NBAS: variants seen among roughly 807,000 people sequenced by gnomAD.
NBAS encodes the protein NBAS subunit of NRZ tethering complex, also known as NAG/BC035112 fusion.
Under a neutral mutation model 302.5 loss-of-function variants are expected in NBAS, and 219 were observed. The observed-to-expected ratio is 0.72, with a 90% CI of 0.65 to 0.81. The LOEUF is 0.81. NBAS is among the 30% of genes least tolerant of loss of function. The pLI, the probability that NBAS is intolerant of heterozygous loss-of-function variation, is 0.00. For missense variants in NBAS, 2,932 were observed against 2,841.6 expected, an observed-to-expected ratio of 1.03 and a Z score of -0.72; for synonymous variants, 1,118 against 1,021.6, an observed-to-expected ratio of 1.09 and a Z score of -1.80.
At chr2:15,077,515 A>C in the NBAS span, among the ~76,000 whole-genome samples, 2 of 152,176 alleles carry the variant, frequency 1.3e-5, no homozygotes, top group Non-Finnish European at 2.9e-5. Flanking sequence ...TTTCCATCGA[A>C]GAGATTATTG....
chr2:15,138,405 A>C, the NBAS span, among the ~76,000 whole-genome samples: 1 of 152,188 alleles, frequency 6.6e-6, no homozygotes, highest in South Asian at 2.1e-4. Context: ...GAAGCATTTT[A>C]AGCAGAGAGG....
chr2:15,166,420 T>C (rs1664021683), downstream of NBAS, among the ~76,000 whole-genome samples: 1 of 152,210 alleles, frequency 6.6e-6, no homozygotes, highest in African/African-American at 2.4e-5. Context: ...GGCTATGCCC[T>C]GAAGGTCATA....
chr2:14,835,780 CAA>C, the NBAS span, among the ~76,000 whole-genome samples: 2 of 151,878 alleles, frequency 1.3e-5, no homozygotes, highest in Non-Finnish European at 2.9e-5. Context: ...AAAGCTGTTA[CAA>C]AATCACATTT....
chr2:15,054,300 C>T, the NBAS span, among the ~76,000 whole-genome samples: 2 of 152,180 alleles, frequency 1.3e-5, no homozygotes, highest in African/African-American at 2.4e-5. Context: ...AAAGTCAATG[C>T]TGAGGCCACA....
intron 41 of NBAS, among the ~76,000 whole-genome samples, chr2:15,289,702 G>A (rs1193410279): frequency 6.6e-6 from 1 of 152,126 alleles, no homozygotes; most frequent in Non-Finnish European, 1.5e-5. Flanking sequence ...CTAATGCCAT[G>A]AAAATGGACA....
At chr2:15,429,609 C>T (rs1006615515) in intron 21 of NBAS, among the ~76,000 whole-genome samples, 1 of 152,116 alleles carries the variant, frequency 6.6e-6, no homozygotes, top group African/African-American at 2.4e-5. Flanking sequence ...AACAGCATCA[C>T]CCTTGCAGTT....
intron 13 of NBAS, among the ~76,000 whole-genome samples, chr2:15,476,828 T>C (rs961053377): frequency 6.6e-6 from 1 of 152,204 alleles, no homozygotes; most frequent in East Asian, 1.9e-4. Context: ...TCACCTGTTA[T>C]ACAAAACATA....
At chr2:15,509,337 G>A (rs1242590865) in intron 10 of NBAS, among the ~76,000 whole-genome samples, 3 of 152,104 alleles carry the variant, frequency 2.0e-5, no homozygotes, top group East Asian at 1.9e-4. Context: ...TACACCAACT[G>A]TTCTCCTTAC....
chr2:15,234,676 A>G lies in NBAS; in HGVS notation c.6015T>C (p.Ala2005=), dbSNP rs1667516078. The G allele has an allele frequency of 6.2e-7, 1 of 1,614,216 alleles. No individual in the cohort carries two copies. Among genetic ancestry groups the G allele is most frequent in the Non-Finnish European group, 8.5e-7 (1 of 1,180,018 alleles). ...RSEKEKLHDE[A]VAICLDGQPL... is the part of the protein sequence containing the mutation. ...GCTGACCATCTAAACAAATAGCCAC[A>G]GCTTCATCATGAAGTTTCTCTTTTT... The change falls in exon 46 of 52, where the codon GCT becomes GCC. Residue 2005 remains alanine, a synonymous_variant. Coordinates refer to ENST00000281513, the MANE Select transcript of NBAS (RefSeq NM_015909.4).
chr2:15,535,625 G>A (rs1663467119), intron 8 of NBAS, among the ~76,000 whole-genome samples: 2 of 151,894 alleles, frequency 1.3e-5, no homozygotes, highest in South Asian at 2.1e-4. Context: ...ATATCCTCCT[G>A]TATACTTTGA....
intron 11 of NBAS, among the ~76,000 whole-genome samples, chr2:15,500,913 G>A (rs1329800405): frequency 1.3e-5 from 2 of 149,572 alleles, no homozygotes; most frequent in Non-Finnish European, 3.0e-5. Context: ...GACAGAGTGA[G>A]ACTGTCTCAA....
At chr2:15,461,070 A>C in intron 21 of NBAS, 131 bp downstream of exon 21, 3 of 891,462 alleles carry the variant, frequency 3.4e-6, no homozygotes, top group Non-Finnish European at 5.0e-6. Flanking sequence ...ACAATAACTT[A>C]ATTTTTTATC....
At chr2:15,049,546 G>C in the NBAS span, among the ~76,000 whole-genome samples, 1 of 152,204 alleles carries the variant, frequency 6.6e-6, no homozygotes, top group African/African-American at 2.4e-5. Flanking sequence ...CTGAGGGGCT[G>C]TTAAACAACT....
chr2:15,434,579 A>G (rs1677919046), intron 21 of NBAS, among the ~76,000 whole-genome samples: 1 of 152,216 alleles, frequency 6.6e-6, no homozygotes, highest in African/African-American at 2.4e-5. Context: ...TTGGTGTTAT[A>G]TACGTAAAAT....
At chr2:14,868,487 G>A in the NBAS span, among the ~76,000 whole-genome samples, 5 of 152,180 alleles carry the variant, frequency 3.3e-5, no homozygotes, top group African/African-American at 9.6e-5. Context: ...ATATACTCAT[G>A]TAACTGGTAC....
chr2:15,409,192 T>C (rs535134757), intron 25 of NBAS, among the ~76,000 whole-genome samples: 3 of 152,350 alleles, frequency 2.0e-5, no homozygotes, highest in South Asian at 4.1e-4. Context: ...CTGTAACTTT[T>C]GTTTAATCCT....
chr2:15,438,297 ATATGT>A (rs1678133357), intron 21 of NBAS, among the ~76,000 whole-genome samples: 1 of 152,220 alleles, frequency 6.6e-6, no homozygotes, highest in Non-Finnish European at 1.5e-5. Context: ...TAAATAAATC[ATATGT>A]TATGGGAAAA....
chr2:14,784,494 A>G, the NBAS span, among the ~76,000 whole-genome samples: 2 of 152,168 alleles, frequency 1.3e-5, no homozygotes, highest in Non-Finnish European at 2.9e-5. Context: ...TAATTTTTGT[A>G]TAAGGTGTAA....
At chr2:14,801,879 T>C in the NBAS span, among the ~76,000 whole-genome samples, 1 of 151,094 alleles carries the variant, frequency 6.6e-6, no homozygotes, top group Non-Finnish European at 1.5e-5. Flanking sequence ...GTTTGTTTTT[T>C]TCTTGTAAAT....
Sources: gnomAD v4.1 joint callset for allele counts (sites outside exome capture counted in the v4.1 genomes callset) on GRCh38, gnomAD v4.1.1 for gene constraint, MANE v1.5 for transcripts, NCBI Gene and HGNC (gene_info 2026-07-23, HGNC 2026-07-21) for gene names.